Variants in CTNNA3 observed in about 807,000 individuals in gnomAD.
The protein encoded by CTNNA3 is catenin alpha 3.
Under a neutral mutation model 95.7 loss-of-function variants are expected in CTNNA3, and 76 were observed. The ratio of observed to expected loss-of-function variants is 0.79; its 90% CI spans 0.66 to 0.96. The LOEUF is 0.96. Ranked by LOEUF, CTNNA3 falls within the 40% of genes least tolerant of loss-of-function variation. The probability of loss-of-function intolerance (pLI) is 0.00; values close to 1 mark genes in which losing one functional copy is unlikely to be tolerated. For synonymous variants in CTNNA3, 431 were observed against 374.4 expected (o/e 1.15, Z -1.74); for missense variants, 1,191 against 1,089.8 (o/e 1.09, Z -1.31).
chr10:66,524,452 C>T (rs1290513098), intron 10 of CTNNA3, among the ~76,000 whole-genome samples: 2 of 152,140 alleles, frequency 1.3e-5, no homozygotes, highest in East Asian at 1.9e-4. Flanking sequence ...CCCACTTCAA[C>T]ACTATTTAGG....
At chr10:66,006,831 CATA>C (rs1564573204) in intron 15 of CTNNA3, among the ~76,000 whole-genome samples, 1 of 152,156 alleles carries the variant, frequency 6.6e-6, no homozygotes. Flanking sequence ...CTGGTCATGG[CATA>C]ATATTATTCT....
At chr10:67,273,559 C>G (rs2132424006) in intron 5 of CTNNA3, among the ~76,000 whole-genome samples, 1 of 151,794 alleles carries the variant, frequency 6.6e-6, no homozygotes, top group Admixed American at 6.6e-5. Context: ...ATCCTATGAC[C>G]AAATAATTTC....
intron 13 of CTNNA3, among the ~76,000 whole-genome samples, chr10:66,217,383 A>G (rs1250239087): frequency 6.6e-6 from 1 of 151,960 alleles, no homozygotes; most frequent in East Asian, 1.9e-4. Context: ...GGAGTCATAC[A>G]ATATATAACT....
rs566021268 is a variant in CTNNA3 at position 66,701,072 on chromosome 10, A to G, written c.1281+65192T>C. On this transcript the variant is annotated intron_variant, in intron 9 of 17. Coordinates refer to ENST00000433211, the MANE Select transcript of CTNNA3 (RefSeq NM_013266.4). ...TTTTTGGTAGGAGGTTATTGATTGA[A>G]TTTTTTATATTAATAACCAGTTGTT... is the stretch of plus-strand genomic sequence containing the variant. Among the ~76,000 whole-genome samples, 64 of 152,104 alleles carry G rather than the reference A, an allele frequency of 4.2e-4. 1 individual carries two copies. Among genetic ancestry groups the G allele is most frequent in the Non-Finnish European group, 7.2e-4 (49 of 67,998 alleles).
At chr10:66,435,100 A>C (rs1447130286) in intron 11 of CTNNA3, among the ~76,000 whole-genome samples, 1 of 151,996 alleles carries the variant, frequency 6.6e-6, no homozygotes, top group East Asian at 1.9e-4. Flanking sequence ...ATTGGCCTGA[A>C]ATTTTCTTTT....
intron 11 of CTNNA3, among the ~76,000 whole-genome samples, chr10:66,465,616 G>A (rs796820966): frequency 3.9e-5 from 6 of 152,166 alleles, no homozygotes; most frequent in African/African-American, 1.4e-4. Flanking sequence ...TCATGTCACT[G>A]GTCTACTGGT....
intron 7 of CTNNA3, among the ~76,000 whole-genome samples, chr10:66,825,283 A>AT (rs34841308): frequency 0.18 from 24,754 of 137,136 alleles, 2,637 homozygotes; most frequent in East Asian, 0.48. Flanking sequence ...ATATATATAT[A>AT]TTTTTTTTTT....
At position 66,859,654 on chromosome 10, in the gene CTNNA3, TCCC is replaced by T. The variant is rs1203376012; in HGVS notation, c.1048-84133_1048-84131del. 3.5e-5 allele frequency among the ~76,000 whole-genome samples: 5 copies of T among 142,712 alleles called. No homozygotes were observed. The East Asian group carries it at 9.7e-4, about 28-fold the overall frequency. 93.6% of individuals were successfully genotyped at this position (142,712 alleles called of 152,430 possible). A position where few individuals can be genotyped will look rare whatever the true frequency, so the allele number is the denominator to read the frequency against. ...CTGGAAATACCATGTGACCCAGCCATCCCATTACTGGGTATATACCCAAACGAC... is the reference window on the plus strand; with the variant it reads ...CTGGAAATACCATGTGACCCAGCCATATTACTGGGTATATACCCAAACGAC... On this transcript the variant is annotated intron_variant, in intron 7 of 17. Coordinates refer to ENST00000433211, the MANE Select transcript of CTNNA3 (RefSeq NM_013266.4).
chr10:67,072,799 A>G (rs1357582587), intron 7 of CTNNA3, among the ~76,000 whole-genome samples: 3 of 152,124 alleles, frequency 2.0e-5, no homozygotes, highest in Admixed American at 6.5e-5. Flanking sequence ...AAAGAGTTCA[A>G]TGGTATGTTT....
intron 9 of CTNNA3, among the ~76,000 whole-genome samples, chr10:66,704,663 T>C (rs1382075598): frequency 1.3e-5 from 2 of 152,086 alleles, no homozygotes; most frequent in Non-Finnish European, 2.9e-5. Context: ...GAATAAACTG[T>C]GTGCTCAGAG....
At chr10:67,008,044 T>A (rs1204066322) in intron 7 of CTNNA3, among the ~76,000 whole-genome samples, 1 of 152,002 alleles carries the variant, frequency 6.6e-6, no homozygotes, top group East Asian at 1.9e-4. Flanking sequence ...ATGAAATTAA[T>A]GAATTTACTA....
chr10:67,309,006 T>C (rs748625122), intron 5 of CTNNA3, among the ~76,000 whole-genome samples: 2 of 152,212 alleles, frequency 1.3e-5, no homozygotes, highest in Non-Finnish European at 2.9e-5. Flanking sequence ...AAGGTGCTCA[T>C]ATAATTGTGA....
rs75643558 is a variant in CTNNA3, at chr10:65,991,381, T to A, written c.2160-2584A>T. Among the ~76,000 whole-genome samples the A allele has an allele frequency of 5.3e-3, 800 of 152,266 alleles. 8 individuals are homozygous for A. The highest frequency in any genetic ancestry group is 0.018 in the African/African-American group (761 of 41,572). On this transcript the variant is annotated intron_variant, in intron 15 of 17. Coordinates refer to ENST00000433211, the MANE Select transcript of CTNNA3 (RefSeq NM_013266.4). ...ATGGATATTTTGACAATATTAATTC[T>A]TCTGATCTATGGGCATGAAATATAT...
Position 66,215,338 on chromosome 10 carries a change from T to G in CTNNA3, c.1884+65132A>C, listed in dbSNP as rs1323619132. ...AACCCAAGCAACGTGCTATGCCCTT[T>G]ACATCAGTTACCTCAGGTGATCCCT... On this transcript the variant is annotated intron_variant, in intron 13 of 17. Coordinates refer to ENST00000433211, the MANE Select transcript of CTNNA3 (RefSeq NM_013266.4). Among the ~76,000 whole-genome samples, 9 of 152,336 alleles carry G rather than the reference T, an allele frequency of 5.9e-5. No individual in the cohort carries two copies. In the South Asian group the frequency reaches 1.9e-3, roughly 32 times the overall value.
intron 2 of CTNNA3, among the ~76,000 whole-genome samples, chr10:67,632,438 G>A (rs1220635778): frequency 1.3e-5 from 2 of 152,144 alleles, no homozygotes; most frequent in Non-Finnish European, 2.9e-5. Context: ...CGCACTCAGA[G>A]AGGAAGGAAA....
At chr10:67,541,784 A>G (rs1840691182) in intron 3 of CTNNA3, among the ~76,000 whole-genome samples, 1 of 152,102 alleles carries the variant, frequency 6.6e-6, no homozygotes, top group African/African-American at 2.4e-5. Context: ...GCAAGTCAGA[A>G]TTGCTGCTAT....
intron 16 of CTNNA3, among the ~76,000 whole-genome samples, chr10:65,967,743 G>T (rs2078005042): frequency 6.6e-6 from 1 of 152,034 alleles, no homozygotes; most frequent in Non-Finnish European, 1.5e-5. Flanking sequence ...AAATAGCTTT[G>T]GTTAAGATTT....
chr10:65,947,088 TTG>T, intron 17 of CTNNA3, among the ~76,000 whole-genome samples: 1 of 100,624 alleles, frequency 9.9e-6, no homozygotes, highest in African/African-American at 4.5e-5. Context: ...AGTCTTTTGT[TTG>T]TTTTTTTTTT....
chr10:66,439,585 T>C (rs1390470104), intron 11 of CTNNA3, among the ~76,000 whole-genome samples: 1 of 152,124 alleles, frequency 6.6e-6, no homozygotes, highest in Non-Finnish European at 1.5e-5. Flanking sequence ...ATAAAAATGG[T>C]AATATAACTT....
Sources: allele counts gnomAD v4.1 joint callset (sites outside exome capture counted in the v4.1 genomes callset), GRCh38; gene constraint gnomAD v4.1.1; transcripts MANE v1.5; gene names NCBI Gene and HGNC (gene_info 2026-07-23, HGNC 2026-07-21).